The following ESR1 variants were observed in gnomAD, a reference collection of about 807,000 sequenced individuals.
The protein encoded by ESR1 is estrogen receptor.
ESR1 carries 12 observed loss-of-function variants against 52.7 expected under a neutral mutation model. That is an observed-to-expected ratio of 0.23 (90% confidence interval 0.15 to 0.37). ESR1 has a LOEUF of 0.37. Among genes scored for constraint, ESR1 ranks in the 10% least tolerant of loss-of-function variants. ESR1 has a pLI of 1.00. For synonymous variants in ESR1, 305 were observed against 316.8 expected (o/e 0.96, Z 0.39); for missense variants, 584 against 779.7 (o/e 0.75, Z 2.99).
chr6:151,700,936 T>G (rs1779730900), intron 1 of ESR1, among the ~76,000 whole-genome samples: 1 of 152,156 alleles, frequency 6.6e-6, no homozygotes, highest in South Asian at 2.1e-4. Context: ...CCATGGGATA[T>G]TCTTAAAGCA....
rs533713955 is a variant in ESR1 at position 151,823,718 on chromosome 6, G to A, written c.452+15354G>A. ...TTCCCACCTATGAGTGAGAACATGCGGTGTTTGGTTTTTTGTCCTTGGGAT... is the reference window on the plus strand; with the variant it reads ...TTCCCACCTATGAGTGAGAACATGCAGTGTTTGGTTTTTTGTCCTTGGGAT... On this transcript the variant is annotated intron_variant, in intron 1 of 7. Transcript: ENST00000206249. Among the ~76,000 whole-genome samples the A allele has an allele frequency of 4.7e-3, 716 of 151,996 alleles. 4 individuals carry two copies. Among genetic ancestry groups the A allele is most frequent in the African/African-American group, 0.017 (689 of 41,430 alleles).
chr6:151,864,442 GTGC>G (rs1196419520), intron 2 of ESR1, among the ~76,000 whole-genome samples: 3 of 152,126 alleles, frequency 2.0e-5, no homozygotes, highest in Non-Finnish European at 2.9e-5. Context: ...GAAACGACAG[GTGC>G]TGGAGAGGAT....
At chr6:151,934,986 A>G (rs774485737) in intron 3 of ESR1, among the ~76,000 whole-genome samples, 1 of 152,232 alleles carries the variant, frequency 6.6e-6, no homozygotes, top group Non-Finnish European at 1.5e-5. Flanking sequence ...TGTGCCAGTC[A>G]GTGTTTTCTA....
At chr6:152,121,857 A>G (rs2051461321) in intron 6 of ESR1, 1 of 154,232 alleles carries the variant, frequency 6.5e-6, no homozygotes. Context: ...TATACCTCTA[A>G]AAAAAAGTGC....
At chr6:151,671,653 A>G (rs1209698252) in intron 1 of ESR1, among the ~76,000 whole-genome samples, 1 of 152,150 alleles carries the variant, frequency 6.6e-6, no homozygotes, top group Non-Finnish European at 1.5e-5. Context: ...TGCACTGTAT[A>G]CCTAAAAATT....
At chr6:151,783,189 C>T (rs142762952) in intron 2 of ESR1, among the ~76,000 whole-genome samples, 11 of 152,360 alleles carry the variant, frequency 7.2e-5, no homozygotes, top group African/African-American at 2.4e-4. Context: ...CCAGTCAGCT[C>T]CCCAAACCAA....
intron 4 of ESR1, among the ~76,000 whole-genome samples, chr6:151,963,183 T>A (rs1348831362): frequency 6.6e-6 from 1 of 152,154 alleles, no homozygotes; most frequent in Non-Finnish European, 1.5e-5. Flanking sequence ...CATAACGAAC[T>A]AAAAATGTTA....
At chr6:151,661,057 C>T (rs1347055409) in intron 1 of ESR1, among the ~76,000 whole-genome samples, 1 of 152,088 alleles carries the variant, frequency 6.6e-6, no homozygotes, top group Admixed American at 6.6e-5. Flanking sequence ...GTGCAATAGA[C>T]ACAAAACAAA....
chr6:151,894,991 C>T (rs1165940400), intron 3 of ESR1, among the ~76,000 whole-genome samples: 5 of 152,088 alleles, frequency 3.3e-5, no homozygotes, highest in African/African-American at 1.2e-4. Context: ...TGATCATTTT[C>T]ACAATATTGA....
intron 2 of ESR1, among the ~76,000 whole-genome samples, chr6:151,778,808 T>G (rs779064811): frequency 6.8e-4 from 103 of 152,340 alleles, no homozygotes; most frequent in Admixed American, 6.5e-4. Context: ...AATTTCTTTA[T>G]GTGATTAAAA....
chr6:151,929,659 T>G (rs1226945211), intron 3 of ESR1, among the ~76,000 whole-genome samples: 1 of 148,358 alleles, frequency 6.7e-6, no homozygotes, highest in Non-Finnish European at 1.5e-5. Flanking sequence ...AAAGTAAAAA[T>G]AAATTAGCTG....
intron 5 of ESR1, among the ~76,000 whole-genome samples, chr6:152,048,901 C>G (rs1408240321): frequency 1.3e-5 from 2 of 152,184 alleles, no homozygotes; most frequent in East Asian, 3.8e-4. Flanking sequence ...TTAACAGAAT[C>G]TGTTCATCTA....
chr6:151,832,766 T>A (rs1782650634), intron 1 of ESR1, among the ~76,000 whole-genome samples: 1 of 152,232 alleles, frequency 6.6e-6, no homozygotes, highest in Admixed American at 6.5e-5. Flanking sequence ...GGGTGTTATA[T>A]AAATACTTAT....
chr6:151,796,126 A>G (rs1401968819), intron 2 of ESR1, among the ~76,000 whole-genome samples: 1 of 151,556 alleles, frequency 6.6e-6, no homozygotes, highest in Admixed American at 6.6e-5. Context: ...AGATTGGGCC[A>G]CTGCACGCCA....
intron 3 of ESR1, among the ~76,000 whole-genome samples, chr6:151,919,619 A>G (rs1192227681): frequency 6.6e-6 from 1 of 152,200 alleles, no homozygotes; most frequent in Non-Finnish European, 1.5e-5. Context: ...TGACCCCATC[A>G]ATGTAATCAG....
intron 2 of ESR1, among the ~76,000 whole-genome samples, chr6:151,713,504 C>G (rs1440338799): frequency 1.3e-5 from 2 of 152,158 alleles, no homozygotes; most frequent in East Asian, 3.9e-4. Flanking sequence ...TAATTCCTGC[C>G]TCAATTTCAG....
intron 5 of ESR1, among the ~76,000 whole-genome samples, chr6:152,031,649 A>G (rs1373501980): frequency 1.3e-5 from 2 of 152,204 alleles, no homozygotes; most frequent in Non-Finnish European, 2.9e-5. Context: ...AATAATTAAT[A>G]GCTTACCAAT....
chr6:151,900,493 A>AT (rs1796507218), intron 3 of ESR1, among the ~76,000 whole-genome samples: 1 of 151,950 alleles, frequency 6.6e-6, no homozygotes, highest in Non-Finnish European at 1.5e-5. Context: ...AGCTAGTGTG[A>AT]TTTTTTGAGG....
Position 152,099,238 on chromosome 6 carries a change from G to A in ESR1, c.*272G>A, listed in dbSNP as rs985238918. The A allele has an allele frequency of 2.0e-6, 1 of 507,828 alleles. No individual in the cohort carries two copies. The highest frequency in any genetic ancestry group is 3.2e-5 in the Admixed American group (1 of 31,524). The allele number at this position is 507,828 out of a possible 1,614,324, so 31.5% of individuals were successfully genotyped here. A position where few individuals can be genotyped will look rare whatever the true frequency, so the allele number is the denominator to read the frequency against. On this transcript the variant is annotated 3_prime_UTR_variant, in exon 8 of 8. Coordinates refer to ENST00000206249, the MANE Select transcript of ESR1 (RefSeq NM_000125.4). ...GTTACTAAGCGTGAGGATTCCCGTA[G>A]CTCTTCACAGCTGAACTCAGTCTAT... is the stretch of plus-strand genomic sequence containing the variant.
Sources: allele counts gnomAD v4.1 joint callset (sites outside exome capture counted in the v4.1 genomes callset), GRCh38; gene constraint gnomAD v4.1.1; transcripts MANE v1.5; gene names NCBI Gene and HGNC (gene_info 2026-07-23, HGNC 2026-07-21).